Variants in KAZN observed in about 807,000 individuals in gnomAD.
KAZN encodes kazrin, periplakin interacting protein, also known as kazrin.
In KAZN, 40 loss-of-function variants were observed where a neutral mutation model predicts 87.4. The ratio of observed to expected loss-of-function variants is 0.46; its 90% CI spans 0.36 to 0.60. The LOEUF (loss-of-function observed/expected upper bound fraction) is 0.60, where lower values mean the gene tolerates loss of function less well. KAZN is among the 20% of genes least tolerant of loss of function. The pLI is 0.00. For missense variants in KAZN, 898 were observed against 1,073.9 expected (o/e 0.84, Z 2.29); for synonymous variants, 466 against 458.3 (o/e 1.02, Z -0.22).
intron 1 of KAZN, among the ~76,000 whole-genome samples, chr1:14,690,551 T>C (rs1441260021): frequency 6.6e-6 from 1 of 150,606 alleles, no homozygotes; most frequent in African/African-American, 2.5e-5. Flanking sequence ...TTTTTTTTCA[T>C]GCTCTTCCCC....
intron 2 of KAZN, among the ~76,000 whole-genome samples, chr1:14,481,463 G>A (rs182009796): frequency 3.4e-4 from 52 of 152,178 alleles, no homozygotes; most frequent in African/African-American, 1.1e-3. Context: ...GTCTAATTAA[G>A]TAAGAGAGCA....
intron 3 of KAZN, among the ~76,000 whole-genome samples, chr1:15,039,746 AC>A (rs1354898064): frequency 1.4e-5 from 2 of 144,642 alleles, no homozygotes; most frequent in East Asian, 3.9e-4. Flanking sequence ...CATGGAGAGC[AC>A]CGTGTCATTT....
At chr1:13,991,976 C>T (rs1405626282) in intron 1 of KAZN, among the ~76,000 whole-genome samples, 1 of 152,130 alleles carries the variant, frequency 6.6e-6, no homozygotes, top group East Asian at 1.9e-4. Context: ...ATAGTCCTCA[C>T]TCTCTACTAC....
At chr1:14,421,077 C>G (rs1665392424) in intron 2 of KAZN, among the ~76,000 whole-genome samples, 1 of 152,226 alleles carries the variant, frequency 6.6e-6, no homozygotes, top group South Asian at 2.1e-4. Context: ...AGCACGCTGC[C>G]CTCTCTCAGG....
At chr1:14,823,316 G>A (rs1350682457) in intron 1 of KAZN, among the ~76,000 whole-genome samples, 2 of 152,050 alleles carry the variant, frequency 1.3e-5, no homozygotes, top group African/African-American at 4.8e-5. Context: ...GGGCATCTCT[G>A]GGAGGGAAGG....
chr1:13,909,521 A>G (rs756793732), intron 1 of KAZN, among the ~76,000 whole-genome samples: 1 of 152,138 alleles, frequency 6.6e-6, no homozygotes, highest in Non-Finnish European at 1.5e-5. Context: ...GGTTTCCCCC[A>G]CAAAATGGTC....
chr1:14,106,802 A>C (rs776698825), intron 1 of KAZN, among the ~76,000 whole-genome samples: 4 of 152,194 alleles, frequency 2.6e-5, no homozygotes, highest in Non-Finnish European at 4.4e-5. Context: ...TGAAAGCCCT[A>C]AAATAGGAAC....
At chr1:13,981,106 T>TATATATATACAC (rs1557760857) in intron 1 of KAZN, among the ~76,000 whole-genome samples, 1 of 133,650 alleles carries the variant, frequency 7.5e-6, no homozygotes, top group African/African-American at 2.8e-5. Context: ...TATATATATA[T>TATATATATACAC]ATATGTATAT....
At chr1:14,682,125 A>T (rs865934879) in intron 1 of KAZN, among the ~76,000 whole-genome samples, 1 of 151,740 alleles carries the variant, frequency 6.6e-6, no homozygotes, top group African/African-American at 2.4e-5. Flanking sequence ...CTAACTCTCC[A>T]TTCCCCCTTC....
intron 1 of KAZN, among the ~76,000 whole-genome samples, chr1:14,129,842 C>G (rs1644954790): frequency 6.6e-6 from 1 of 152,182 alleles, no homozygotes; most frequent in African/African-American, 2.4e-5. Context: ...TACTGAAACA[C>G]TGGTATTTGT....
At chr1:14,083,214 C>T (rs12726437) in intron 1 of KAZN, among the ~76,000 whole-genome samples, 15,097 of 152,250 alleles carry the variant, frequency 0.099, 926 homozygotes, top group East Asian at 0.13. Context: ...GCATCATGGT[C>T]TTGATTGTTC....
At chr1:14,244,336 AC>A (rs1198286198) in intron 2 of KAZN, among the ~76,000 whole-genome samples, 1 of 152,184 alleles carries the variant, frequency 6.6e-6, no homozygotes, top group African/African-American at 2.4e-5. Context: ...AGAAGAAGTA[AC>A]CTGCCTGCCT....
chr1:14,955,375 T>G (rs61350197), intron 1 of KAZN, among the ~76,000 whole-genome samples: 1 of 152,160 alleles, frequency 6.6e-6, no homozygotes, highest in African/African-American at 2.4e-5. Context: ...TGGTGGCCCC[T>G]GAGCTGGTGA....
intron 1 of KAZN, among the ~76,000 whole-genome samples, chr1:14,645,776 A>G (rs1572125695): frequency 2.0e-5 from 3 of 152,284 alleles, no homozygotes; most frequent in Middle Eastern, 3.4e-3. Context: ...AGGACTTCCA[A>G]TACTACGTTG....
intron 2 of KAZN, among the ~76,000 whole-genome samples, chr1:14,383,220 T>C (rs561761239): frequency 2.0e-5 from 3 of 151,866 alleles, no homozygotes; most frequent in African/African-American, 7.3e-5. Context: ...TATTAGCCCT[T>C]TGTCAGATGA....
chr1:14,624,424 GA>G (rs374913141), intron 1 of KAZN, among the ~76,000 whole-genome samples: 51 of 137,868 alleles, frequency 3.7e-4, no homozygotes, highest in African/African-American at 4.0e-4. Flanking sequence ...TCCGTCTCAA[GA>G]AAAAAAAAAA....
chr1:13,958,619 A>T (rs890623751), intron 1 of KAZN, among the ~76,000 whole-genome samples: 6 of 151,904 alleles, frequency 3.9e-5, no homozygotes, highest in Non-Finnish European at 5.9e-5. Flanking sequence ...GAGAGAAACT[A>T]ATTTGAAGGG....
At chr1:14,924,275 A>T (rs1432476491) in intron 1 of KAZN, 1 of 982,346 alleles carries the variant, frequency 1.0e-6, no homozygotes, top group African/African-American at 1.8e-5. Flanking sequence ...CTGCGCCCCG[A>T]TGCGGCGGCG....
chr1:14,980,542 A>C (rs1666131786), intron 2 of KAZN, among the ~76,000 whole-genome samples: 1 of 152,158 alleles, frequency 6.6e-6, no homozygotes, highest in Admixed American at 6.5e-5. Flanking sequence ...ACATCTGTCC[A>C]TCTGCACCCC....
Sources: allele counts gnomAD v4.1 joint callset (sites outside exome capture counted in the v4.1 genomes callset), GRCh38; gene constraint gnomAD v4.1.1; transcripts MANE v1.5; gene names NCBI Gene and HGNC (gene_info 2026-07-23, HGNC 2026-07-21).